Variants in DIAPH3 observed in about 807,000 individuals in gnomAD.
DIAPH3 encodes diaphanous related formin 3.
DIAPH3 carries 117 observed loss-of-function variants against 144.3 expected under a neutral mutation model. That is an observed-to-expected ratio of 0.81 (90% CI 0.70 to 0.95). The LOEUF (loss-of-function observed/expected upper bound fraction) is 0.95. Ranked by LOEUF, DIAPH3 falls within the 40% of genes least tolerant of loss-of-function variation. The probability of loss-of-function intolerance (pLI) is 0.00; values close to 1 mark genes in which losing one functional copy is unlikely to be tolerated. For missense variants in DIAPH3, 1,421 were observed against 1,412.7 expected (o/e 1.01, Z -0.09); for synonymous variants, 519 against 488.9 (o/e 1.06, Z -0.81).
intron 1 of DIAPH3, among the ~76,000 whole-genome samples, chr13:60,146,771 G>A (rs1182911725): frequency 1.3e-5 from 2 of 152,148 alleles, no homozygotes; most frequent in Non-Finnish European, 2.9e-5. Context: ...ATAGTTTTAG[G>A]TTGATTATCG....
chr13:60,021,194 A>C (rs2053993785), intron 5 of DIAPH3, among the ~76,000 whole-genome samples: 1 of 152,258 alleles, frequency 6.6e-6, no homozygotes, highest in African/African-American at 2.4e-5. Flanking sequence ...TTCAGATTGC[A>C]GATGGAATTA....
chr13:60,027,253 A>C (rs1016017158), intron 5 of DIAPH3, among the ~76,000 whole-genome samples: 1 of 152,222 alleles, frequency 6.6e-6, no homozygotes, highest in South Asian at 2.1e-4. Context: ...ATCCACCCAA[A>C]TTACACTAAA....
chr13:59,672,343 G>A (rs1186626442), intron 27 of DIAPH3, among the ~76,000 whole-genome samples: 1 of 152,196 alleles, frequency 6.6e-6, no homozygotes, highest in Non-Finnish European at 1.5e-5. Context: ...GTCTTTTGTG[G>A]TCAATGGTGA....
intron 27 of DIAPH3, among the ~76,000 whole-genome samples, chr13:59,747,747 A>G (rs1393410225): frequency 6.6e-6 from 1 of 152,208 alleles, no homozygotes; most frequent in Non-Finnish European, 1.5e-5. Context: ...AATGACATCT[A>G]TGACTGCATT....
chr13:59,965,630 G>A (rs1566582238), intron 17 of DIAPH3, among the ~76,000 whole-genome samples: 1 of 151,674 alleles, frequency 6.6e-6, no homozygotes. Context: ...ATTTCAGAGA[G>A]ATAGATAAAC....
At chr13:60,106,302 A>G (rs2058419614) in intron 3 of DIAPH3, among the ~76,000 whole-genome samples, 1 of 152,190 alleles carries the variant, frequency 6.6e-6, no homozygotes. Context: ...TTGATCTATA[A>G]CATTAGAGAT....
At chr13:60,064,879 A>G (rs1198599791) in intron 4 of DIAPH3, among the ~76,000 whole-genome samples, 1 of 152,112 alleles carries the variant, frequency 6.6e-6, no homozygotes, top group Non-Finnish European at 1.5e-5. Flanking sequence ...TTCACTGAAC[A>G]CTTAGAAGTC....
chr13:60,132,748 T>C (rs1306761713), intron 2 of DIAPH3, among the ~76,000 whole-genome samples: 2 of 152,250 alleles, frequency 1.3e-5, no homozygotes, highest in East Asian at 3.9e-4. Context: ...CAAATTTTTT[T>C]AATTAACATA....
At chr13:59,943,103 T>C (rs2048620370) in intron 17 of DIAPH3, among the ~76,000 whole-genome samples, 1 of 152,222 alleles carries the variant, frequency 6.6e-6, no homozygotes, top group Non-Finnish European at 1.5e-5. Context: ...ATATGATCAA[T>C]TTAACACCGT....
chr13:59,855,238 G>C (rs1593695354), intron 22 of DIAPH3, among the ~76,000 whole-genome samples: 1 of 152,036 alleles, frequency 6.6e-6, no homozygotes, highest in East Asian at 1.9e-4. Context: ...ATTTAAATAT[G>C]TGGTCTCTTA....
intron 20 of DIAPH3, among the ~76,000 whole-genome samples, chr13:59,902,027 C>T (rs1175760134): frequency 6.6e-6 from 1 of 152,178 alleles, no homozygotes; most frequent in African/African-American, 2.4e-5. Context: ...GCAGTAAAAG[C>T]AATGTTAAGT....
chr13:59,734,425 A>G (rs1285447187), intron 27 of DIAPH3, among the ~76,000 whole-genome samples: 1 of 152,182 alleles, frequency 6.6e-6, no homozygotes, highest in East Asian at 1.9e-4. Context: ...TCTCATATCA[A>G]AAGTTAAAGT....
chr13:59,738,544 T>C (rs2036278355), intron 27 of DIAPH3, among the ~76,000 whole-genome samples: 1 of 152,300 alleles, frequency 6.6e-6, no homozygotes, highest in Non-Finnish European at 1.5e-5. Context: ...GGGGCTGTTA[T>C]GACAGGCAGG....
chr13:59,713,652 A>G (rs2034873377), intron 27 of DIAPH3, among the ~76,000 whole-genome samples: 1 of 137,064 alleles, frequency 7.3e-6, no homozygotes, highest in African/African-American at 2.7e-5. Flanking sequence ...TACTATAGGT[A>G]AGAAGCTTTT....
At chr13:60,132,858 G>A (rs1417191686) in intron 2 of DIAPH3, 99 bp downstream of exon 2, 7 of 983,806 alleles carry the variant, frequency 7.1e-6, no homozygotes, top group Non-Finnish European at 9.6e-6. Flanking sequence ...TCCAATATAT[G>A]TGACTTTTAG....
At chr13:59,957,879 C>T (rs991499455) in intron 17 of DIAPH3, among the ~76,000 whole-genome samples, 1 of 152,082 alleles carries the variant, frequency 6.6e-6, no homozygotes, top group Non-Finnish European at 1.5e-5. Flanking sequence ...GAATCTTATG[C>T]TAGGGAAACA....
At chr13:59,930,717 G>A (rs967816281) in intron 17 of DIAPH3, among the ~76,000 whole-genome samples, 1 of 152,154 alleles carries the variant, frequency 6.6e-6, no homozygotes, top group Non-Finnish European at 1.5e-5. Flanking sequence ...TTAAGCACAT[G>A]AGACATCAGG....
intron 12 of DIAPH3, among the ~76,000 whole-genome samples, chr13:59,988,892 C>T (rs375638923): frequency 2.6e-5 from 4 of 151,766 alleles, no homozygotes; most frequent in African/African-American, 9.7e-5. Flanking sequence ...AGCCCCCTCC[C>T]TTTTTCCCAG....
chr13:59,761,771 A>AT (rs1283359392), intron 27 of DIAPH3, among the ~76,000 whole-genome samples: 1 of 152,332 alleles, frequency 6.6e-6, no homozygotes, highest in Admixed American at 6.5e-5. Context: ...TTAGGTTTAT[A>AT]TATAGCATTG....
Sources: allele counts gnomAD v4.1 joint callset (sites outside exome capture counted in the v4.1 genomes callset), GRCh38; gene constraint gnomAD v4.1.1; transcripts MANE v1.5; gene names NCBI Gene and HGNC (gene_info 2026-07-23, HGNC 2026-07-21).